The following MAVS variants were observed in gnomAD, a reference collection of about 807,000 sequenced individuals.
MAVS encodes the protein mitochondrial antiviral-signaling protein.
Under a neutral mutation model 30.2 loss-of-function variants are expected in MAVS, and 20 were observed. That is an observed-to-expected ratio of 0.66 (90% CI 0.47 to 0.96). MAVS has a LOEUF of 0.96. Among genes scored for constraint, MAVS ranks in the 40% least tolerant of loss-of-function variants. MAVS has a pLI of 0.00. For synonymous variants in MAVS, 278 were observed against 293.9 expected, an observed-to-expected ratio of 0.95 and a Z score of 0.55; for missense variants, 624 against 701.1, an observed-to-expected ratio of 0.89 and a Z score of 1.24.
intron 1 of MAVS, among the ~76,000 whole-genome samples, chr20:3,852,425 G>C (rs565314834): frequency 6.6e-6 from 1 of 152,260 alleles, no homozygotes; most frequent in Non-Finnish European, 1.5e-5. Flanking sequence ...GGGATGATCC[G>C]ATTATTATCA....
chr20:3,856,899 G>A (rs374234763), intron 2 of MAVS, among the ~76,000 whole-genome samples: 1 of 152,136 alleles, frequency 6.6e-6, no homozygotes, highest in South Asian at 2.1e-4. Context: ...AGCCGGGTGT[G>A]GTGGTGGGCT....
chr20:3,865,952 C>G lies in MAVS; in HGVS notation c.1428C>G (p.Ile476Met), dbSNP rs199999120. The G allele has an allele frequency of 4.0e-5, 64 of 1,613,678 alleles. No individual in the cohort carries two copies. In the East Asian group the frequency reaches 1.3e-3, roughly 34 times the overall value. Residue 476 changes from isoleucine (I) to methionine (M), a missense_variant, in exon 7 of 7, where the codon ATC becomes ATG. Physicochemically the swap from Ile to Met is conservative, Grantham distance 10. Coordinates refer to ENST00000428216, the MANE Select transcript of MAVS (RefSeq NM_020746.5). This position sits in a 1 kb window ranked among gnomAD's most constrained non-coding sequence, Gnocchi z 4.7. ...FGIHVAENPS[I>M]QLLEGNPGPP... ...TCCACGTGGCTGAGAACCCCAGCAT[C>G]CAGCTCCTGGAGGGCAACCCTGGGC...
At position 3,874,123 on chromosome 20, in the gene MAVS, GGATA is replaced by G. The variant is rs1244316422; in HGVS notation, c.*7977_*7980del. On this transcript the variant is annotated 3_prime_UTR_variant, in exon 7 of 7. Coordinates refer to ENST00000428216, the MANE Select transcript of MAVS (RefSeq NM_020746.5). Reference sequence around the variant, plus strand: ...AAAATATCGCTATGCACAGCAACATGGATAAATTTCACAGACATGAGGTCAAGCA... The same window carrying G: ...AAAATATCGCTATGCACAGCAACATGAATTTCACAGACATGAGGTCAAGCA... The G allele has an allele frequency of 2.5e-6, 1 of 398,472 alleles. No individual in the cohort carries two copies. Among genetic ancestry groups the G allele is most frequent in the Admixed American group, 4.4e-5 (1 of 22,678 alleles). 24.7% of individuals were successfully genotyped at this position (398,472 alleles called of 1,614,324 possible). A position where few individuals can be genotyped will look rare whatever the true frequency, so the allele number is the denominator to read the frequency against.
chr20:3,864,897 G>T lies in MAVS; in HGVS notation c.1158+109G>T, dbSNP rs1423490018. ...CCAGTCTGCATTCTGTGTCCAGCCT[G>T]TGCTGCTCTGTGGCCTCTCCTTGAG... On this transcript the variant is annotated intron_variant, in intron 6 of 6. Transcript: ENST00000428216. The T allele has an allele frequency of 3.7e-6, 5 of 1,344,454 alleles. No individual in the cohort carries two copies. In the Admixed American group the frequency reaches 1.0e-4, roughly 27 times the overall value. 83.3% of individuals were successfully genotyped at this position (1,344,454 alleles called of 1,614,324 possible).
intron 2 of MAVS, among the ~76,000 whole-genome samples, chr20:3,856,118 G>C (rs985281989): frequency 2.7e-5 from 4 of 150,344 alleles, no homozygotes; most frequent in African/African-American, 4.9e-5. Flanking sequence ...GCAGTGGTGT[G>C]ATCTCGGCTC....
In MAVS at chr20:3,857,657, C is replaced by T. The variant is rs2089823126; in HGVS notation, c.140C>T (p.Thr47Ile). The change falls in exon 3 of 7, where the codon ACA becomes ATA. Residue 47 changes from threonine (T) to isoleucine (I), a missense_variant. Transcript: ENST00000428216. Reference protein sequence around the residue: ...RDQDRLRATCTLSGNRDTLWH... With the variant: ...RDQDRLRATCILSGNRDTLWH... ...CAGGATCGACTGCGGGCCACCTGCACACTCTCAGGGAACCGGGACACCCTC... is the reference window on the plus strand; with the variant it reads ...CAGGATCGACTGCGGGCCACCTGCATACTCTCAGGGAACCGGGACACCCTC... 7 of 1,613,446 alleles carry T rather than the reference C, an allele frequency of 4.3e-6. No homozygotes were observed. The highest frequency in any genetic ancestry group is 1.1e-5 in the South Asian group (1 of 91,064).
chr20:3,863,500 A>G (rs1240736791), intron 5 of MAVS, among the ~76,000 whole-genome samples: 1 of 152,304 alleles, frequency 6.6e-6, no homozygotes, highest in South Asian at 2.1e-4. Flanking sequence ...GCTGTAGACC[A>G]CAGAGGCAGA....
chr20:3,853,181 A>T (rs1468862879), intron 1 of MAVS, among the ~76,000 whole-genome samples: 2 of 138,586 alleles, frequency 1.4e-5, no homozygotes, highest in Non-Finnish European at 3.1e-5. Flanking sequence ...ATAAAATAGG[A>T]TGTTTACAGA....
chr20:3,859,752 C>G (rs1301516835), intron 3 of MAVS, among the ~76,000 whole-genome samples: 1 of 151,974 alleles, frequency 6.6e-6, no homozygotes, highest in Non-Finnish European at 1.5e-5. Context: ...CCCCTTCCTC[C>G]CTTGCTACCT....
In MAVS at chr20:3,852,415, G is replaced by A. The variant is rs80041682; in HGVS notation, c.-67-2143G>A. ...CATACCTCAGTTTCTTCTTTAAAGC[G>A]GGATGATCCGATTATTATCATGTTG... On this transcript the variant is annotated intron_variant, in intron 1 of 6. Coordinates refer to ENST00000428216, the MANE Select transcript of MAVS (RefSeq NM_020746.5). 4.9e-4 allele frequency among the ~76,000 whole-genome samples: 75 copies of A among 152,206 alleles called. 1 individual carries two copies. In the East Asian group the frequency reaches 0.013, roughly 27 times the overall value.
chr20:3,858,540 A>G (rs2089833235), intron 3 of MAVS, among the ~76,000 whole-genome samples: 1 of 151,530 alleles, frequency 6.6e-6, no homozygotes, highest in Non-Finnish European at 1.5e-5. Flanking sequence ...TTAGCCGGGC[A>G]TGTTGTCCCA....
Position 3,866,478 on chromosome 20 carries a change from C to T in MAVS, c.*331C>T, listed in dbSNP as rs2089909900. ...TCCTCCAGGCCTCAGCCCTGTTGGC[C>T]CAGGTGGAGCAGGAGGGACCACTGG... On this transcript the variant is annotated 3_prime_UTR_variant, in exon 7 of 7. Transcript: ENST00000428216. The T allele has an allele frequency of 2.5e-6, 1 of 403,886 alleles. No homozygotes were observed. 25.0% of individuals were successfully genotyped at this position (403,886 alleles called of 1,614,324 possible).
rs1311711081 is a variant in MAVS, at chr20:3,864,801, C to T, written c.1158+13C>T. ...CAGCAGAAATGAGGTGAGTCCTCGC[C>T]CTTCCTGGCAGGGATCCTGGCCCCT... On this transcript the variant is annotated intron_variant, in intron 6 of 6. Transcript: ENST00000428216. 9.3e-6 allele frequency: 15 copies of T among 1,608,752 alleles called. No individual in the cohort carries two copies. The highest frequency in any genetic ancestry group is 1.7e-4 in the Middle Eastern group (1 of 6,048).
intron 5 of MAVS, among the ~76,000 whole-genome samples, chr20:3,863,399 C>T (rs192470893): frequency 1.1e-4 from 17 of 152,300 alleles, no homozygotes; most frequent in East Asian, 7.7e-4. Context: ...GGCTGGGAGA[C>T]GTCATCTTAG....
intron 3 of MAVS, among the ~76,000 whole-genome samples, chr20:3,859,092 C>T (rs573457213): frequency 6.6e-6 from 1 of 152,030 alleles, no homozygotes; most frequent in Non-Finnish European, 1.5e-5. Context: ...GTCTGGCTCT[C>T]ATGCTTGCTT....
intron 2 of MAVS, 22 bp downstream of exon 2, chr20:3,854,763 C>A: frequency 6.5e-7 from 1 of 1,533,602 alleles, no homozygotes; most frequent in South Asian, 1.1e-5. Context: ...AAGTGACAGC[C>A]CGACACTGGC....
chr20:3,859,687 G>A (rs2089847829), intron 3 of MAVS, among the ~76,000 whole-genome samples: 1 of 151,978 alleles, frequency 6.6e-6, no homozygotes, highest in Non-Finnish European at 1.5e-5. Flanking sequence ...GGACAGAGAA[G>A]AGTGACTGCT....
chr20:3,864,916 C>T (rs2089895192), intron 6 of MAVS, 128 bp downstream of exon 6: 1 of 1,130,354 alleles, frequency 8.8e-7, no homozygotes, highest in African/African-American at 1.5e-5. Flanking sequence ...TGTGGCCTCT[C>T]CTTGAGGGCA....
chr20:3,853,269 G>A (rs1477178272), intron 1 of MAVS, among the ~76,000 whole-genome samples: 1 of 150,512 alleles, frequency 6.6e-6, no homozygotes, highest in Non-Finnish European at 1.5e-5. Flanking sequence ...GGCGCATCAC[G>A]AGGTCAGTAA....
Sources: allele counts gnomAD v4.1 joint callset (sites outside exome capture counted in the v4.1 genomes callset), GRCh38; gene constraint gnomAD v4.1.1; non-coding constraint Gnocchi (gnomAD v3.1); transcripts MANE v1.5; gene names NCBI Gene and HGNC (gene_info 2026-07-23, HGNC 2026-07-21).